The following MAN1C1 variants were observed in gnomAD, a reference collection of about 807,000 sequenced individuals.
The protein encoded by MAN1C1 is mannosidase alpha class 1C member 1.
MAN1C1 carries 49 observed loss-of-function variants against 71.5 expected under a neutral mutation model. The observed-to-expected ratio is 0.69, with a 90% CI of 0.54 to 0.87. The LOEUF is 0.87. Among genes scored for constraint, MAN1C1 ranks in the 40% least tolerant of loss-of-function variants. MAN1C1 has a pLI of 0.00. For synonymous variants in MAN1C1, 352 were observed against 343.7 expected (o/e 1.02, Z -0.27); for missense variants, 743 against 835.0 (o/e 0.89, Z 1.36).
chr1:25,761,872 C>G (rs1029726998), intron 6 of MAN1C1, among the ~76,000 whole-genome samples: 2 of 152,014 alleles, frequency 1.3e-5, no homozygotes, highest in African/African-American at 4.8e-5. Context: ...ATCTGCCCGC[C>G]TCGGCCTCCC....
intron 9 of MAN1C1, 90 bp from the exon 10 acceptor site, chr1:25,780,850 C>A: frequency 7.1e-7 from 1 of 1,402,978 alleles, no homozygotes; most frequent in Non-Finnish European, 9.9e-7. Flanking sequence ...ACCCTGGCCG[C>A]GGGTTCAAGG....
At chr1:25,697,765 C>G (rs1456082294) in intron 2 of MAN1C1, among the ~76,000 whole-genome samples, 1 of 152,166 alleles carries the variant, frequency 6.6e-6, no homozygotes, top group Non-Finnish European at 1.5e-5. Flanking sequence ...ATTGCTGGGT[C>G]ATACTGTATT....
At chr1:25,623,303 A>C (rs369109621) in intron 1 of MAN1C1, among the ~76,000 whole-genome samples, 1 of 152,104 alleles carries the variant, frequency 6.6e-6, no homozygotes, top group Non-Finnish European at 1.5e-5. Flanking sequence ...TTTCATTTCT[A>C]GTTGTACCAT....
intron 8 of MAN1C1, among the ~76,000 whole-genome samples, chr1:25,773,780 G>A (rs1446924754): frequency 6.6e-6 from 1 of 152,244 alleles, no homozygotes; most frequent in Non-Finnish European, 1.5e-5. Flanking sequence ...AAGAGGCTTT[G>A]CTCTCTGCAT....
intron 2 of MAN1C1, among the ~76,000 whole-genome samples, chr1:25,733,869 G>C (rs2124307252): frequency 6.6e-6 from 1 of 151,104 alleles, no homozygotes; most frequent in Admixed American, 6.6e-5. Flanking sequence ...GTGTGATCTT[G>C]GCTTGCTGCA....
chr1:25,783,646 C>G lies in MAN1C1; in HGVS notation c.1767-17C>G. On this transcript the variant is annotated splice_polypyrimidine_tract_variant and intron_variant, in intron 11 of 11. Transcript: ENST00000374332. The stretch of plus-strand genomic sequence containing the variant: ...TGACAGACTGTGTCTTGCTTCCCTG[C>G]CCTGCGTGGGGCACAGGTATCTCTA... The G allele has an allele frequency of 1.2e-6, 2 of 1,609,978 alleles. No individual in the cohort carries two copies. The highest frequency in any genetic ancestry group is 1.7e-6 in the Non-Finnish European group (2 of 1,179,454).
intron 2 of MAN1C1, among the ~76,000 whole-genome samples, chr1:25,697,423 T>C (rs1435404665): frequency 6.6e-6 from 1 of 152,268 alleles, no homozygotes; most frequent in African/African-American, 2.4e-5. Flanking sequence ...TGTATGGATA[T>C]CCCACATTTT....
At chr1:25,654,982 A>G (rs1292616158) in intron 1 of MAN1C1, among the ~76,000 whole-genome samples, 1 of 152,178 alleles carries the variant, frequency 6.6e-6, no homozygotes, top group Non-Finnish European at 1.5e-5. Flanking sequence ...AGTGCTGTAG[A>G]GTTCACTGGA....
chr1:25,764,963 G>A lies in MAN1C1; in HGVS notation c.1141+996G>A, dbSNP rs576581247. ...CTCAGGAGGCTGAGGCAGGAGAATC[G>A]CTTGAACCCGGGAGGCGGAGGTTGC... On this transcript the variant is annotated intron_variant, in intron 7 of 11. Coordinates refer to ENST00000374332, the MANE Select transcript of MAN1C1 (RefSeq NM_020379.4). The surrounding 1 kb of genome is among the most constrained non-coding windows in gnomAD (Gnocchi z 4.4). Among the ~76,000 whole-genome samples the A allele has an allele frequency of 4.3e-4, 66 of 152,022 alleles. 1 individual carries two copies. Among genetic ancestry groups the A allele is most frequent in the African/African-American group, 1.2e-3 (49 of 41,498 alleles).
At chr1:25,689,684 A>C (rs1394020343) in intron 2 of MAN1C1, among the ~76,000 whole-genome samples, 1 of 151,920 alleles carries the variant, frequency 6.6e-6, no homozygotes, top group Non-Finnish European at 1.5e-5. Flanking sequence ...TCTTTTCTGG[A>C]CTCATGGGGG....
chr1:25,718,605 T>A (rs992009310), intron 2 of MAN1C1, among the ~76,000 whole-genome samples: 15 of 152,092 alleles, frequency 9.9e-5, no homozygotes, highest in Non-Finnish European at 1.8e-4. Flanking sequence ...TCCACTGCCA[T>A]CCCCAGGCAG....
chr1:25,642,518 A>C (rs948214060), intron 1 of MAN1C1, among the ~76,000 whole-genome samples: 2 of 152,244 alleles, frequency 1.3e-5, no homozygotes, highest in Non-Finnish European at 2.9e-5. Flanking sequence ...GCTGTAGATT[A>C]GTGTGAGAAT....
intron 1 of MAN1C1, among the ~76,000 whole-genome samples, chr1:25,683,481 A>G (rs760185630): frequency 1.3e-4 from 20 of 152,204 alleles, no homozygotes; most frequent in Admixed American, 2.0e-4. Context: ...GGCATGTAGC[A>G]GTGAATGGGG....
intron 2 of MAN1C1, among the ~76,000 whole-genome samples, chr1:25,740,582 G>T (rs572327241): frequency 4.5e-4 from 68 of 152,188 alleles, no homozygotes; most frequent in African/African-American, 1.6e-3. Context: ...GACTATAGGC[G>T]CCCGCCACCA....
chr1:25,643,230 T>TTTAA (rs71577785), intron 1 of MAN1C1, among the ~76,000 whole-genome samples: 6,991 of 124,914 alleles, frequency 0.056, 180 homozygotes, highest in African/African-American at 0.12. Context: ...CTACCTCCCT[T>TTTAA]TTAATTAATT....
At chr1:25,742,046 C>T (rs905713200) in intron 2 of MAN1C1, among the ~76,000 whole-genome samples, 1 of 152,070 alleles carries the variant, frequency 6.6e-6, no homozygotes, top group African/African-American at 2.4e-5. Flanking sequence ...GTGGTGGGTG[C>T]CCAAGAAAGT....
At chr1:25,669,732 A>G (rs915221248) in intron 1 of MAN1C1, among the ~76,000 whole-genome samples, 2 of 152,222 alleles carry the variant, frequency 1.3e-5, no homozygotes, top group East Asian at 1.9e-4. Flanking sequence ...GTGAGCTACT[A>G]TCATACCACT....
chr1:25,619,162 A>T (rs1375496876), intron 1 of MAN1C1, among the ~76,000 whole-genome samples: 3 of 152,156 alleles, frequency 2.0e-5, no homozygotes, highest in Admixed American at 6.5e-5. Flanking sequence ...CACTGCCACT[A>T]AATATTCTGC....
intron 2 of MAN1C1, among the ~76,000 whole-genome samples, chr1:25,700,079 T>G (rs2046419154): frequency 6.6e-6 from 1 of 152,252 alleles, no homozygotes; most frequent in South Asian, 2.1e-4. Context: ...AGTTTGTTTT[T>G]CTTTTCATCA....
Sources: allele counts gnomAD v4.1 joint callset (sites outside exome capture counted in the v4.1 genomes callset), GRCh38; gene constraint gnomAD v4.1.1; non-coding constraint Gnocchi (gnomAD v3.1); transcripts MANE v1.5; gene names NCBI Gene and HGNC (gene_info 2026-07-23, HGNC 2026-07-21).